NELL1: variants seen among roughly 807,000 people sequenced by gnomAD.
The protein encoded by NELL1 is protein kinase C-binding protein NELL1.
NELL1 carries 76 observed loss-of-function variants against 107.4 expected under a neutral mutation model. That is an observed-to-expected ratio of 0.71 (90% CI 0.59 to 0.86). The LOEUF (loss-of-function observed/expected upper bound fraction) is 0.86. Among genes scored for constraint, NELL1 ranks in the 40% least tolerant of loss-of-function variants. The probability of loss-of-function intolerance (pLI) is 0.00; values close to 1 mark genes in which losing one functional copy is unlikely to be tolerated. For synonymous variants in NELL1, 353 were observed against 341.2 expected, an observed-to-expected ratio of 1.03 and a Z score of -0.38; for missense variants, 1,024 against 1,005.5, an observed-to-expected ratio of 1.02 and a Z score of -0.25.
chr11:21,562,794 A>G (rs1419587770), intron 17 of NELL1, among the ~76,000 whole-genome samples: 1 of 131,566 alleles, frequency 7.6e-6, no homozygotes, highest in Non-Finnish European at 1.7e-5. Context: ...AATTACACAA[A>G]CCAACAAAAG....
chr11:21,425,259 A>G lies in NELL1; in HGVS notation c.1645+54311A>G, dbSNP rs147827054. Among the ~76,000 whole-genome samples, 157 of 151,086 alleles carry G rather than the reference A, an allele frequency of 1.0e-3. 1 individual carries two copies. Among genetic ancestry groups the G allele is most frequent in the Middle Eastern group, 6.8e-3 (2 of 292 alleles). ...GAAAGAAAAGCCTATCCTAAAATTC[A>G]TATAGAATTTCAAGGTACTGTGAAT... is the stretch of plus-strand genomic sequence containing the variant. On this transcript the variant is annotated intron_variant, in intron 15 of 19. Transcript: ENST00000357134.
At chr11:21,331,165 G>T (rs553966425) in intron 14 of NELL1, among the ~76,000 whole-genome samples, 1 of 151,740 alleles carries the variant, frequency 6.6e-6, no homozygotes, top group African/African-American at 2.4e-5. Flanking sequence ...CATATTTATT[G>T]TAGTTGCTTT....
chr11:20,837,333 T>G (rs907908481), intron 3 of NELL1, among the ~76,000 whole-genome samples: 1 of 152,190 alleles, frequency 6.6e-6, no homozygotes, highest in Non-Finnish European at 1.5e-5. Flanking sequence ...GACATCAGTA[T>G]GAATTCATGT....
At chr11:21,574,636 T>G (rs1002777479) in intron 19 of NELL1, among the ~76,000 whole-genome samples, 5 of 151,820 alleles carry the variant, frequency 3.3e-5, no homozygotes, top group Non-Finnish European at 5.9e-5. Flanking sequence ...GATTTATTTT[T>G]GGAAAGAATC....
chr11:21,026,395 TCCCTCA>T (rs944134368), intron 12 of NELL1, among the ~76,000 whole-genome samples: 23 of 152,278 alleles, frequency 1.5e-4, no homozygotes, highest in Admixed American at 3.9e-4. Context: ...CATGGCTCAT[TCCCTCA>T]CCTCTTCAGT....
intron 9 of NELL1, among the ~76,000 whole-genome samples, chr11:20,930,371 C>G (rs1850593038): frequency 6.6e-6 from 1 of 152,052 alleles, no homozygotes; most frequent in African/African-American, 2.4e-5. Context: ...GCCATTGTCA[C>G]TTAAATATAT....
intron 12 of NELL1, among the ~76,000 whole-genome samples, chr11:21,029,814 C>G (rs916635052): frequency 1.3e-5 from 2 of 152,164 alleles, no homozygotes; most frequent in African/African-American, 4.8e-5. Flanking sequence ...AGCTTTCAAT[C>G]CTCTCCAATC....
Position 20,937,839 on chromosome 11 carries a change from A to C in NELL1, c.1051A>C (p.Lys351Gln). The C allele has an allele frequency of 6.2e-7, 1 of 1,614,090 alleles. No individual in the cohort carries two copies. Among genetic ancestry groups the C allele is most frequent in the Non-Finnish European group, 8.5e-7 (1 of 1,179,932 alleles). ...TGCAGAAGGCCAGCGGATTTTAACC[A>C]AGAGCTGTCGGGAATGCCGAGTAAG... Reference protein sequence around the residue: ...VLAEGQRILTKSCRECRGGVL... With the variant: ...VLAEGQRILTQSCRECRGGVL... The change falls in exon 10 of 20, where the codon AAG (lysine) becomes CAG (glutamine). Residue 351 changes from lysine (K) to glutamine (Q), a missense_variant. Physicochemically the swap from Lys to Gln is moderately conservative, Grantham distance 53. Transcript: ENST00000357134.
At chr11:20,975,845 TATATATAC>T (rs963931367) in intron 12 of NELL1, among the ~76,000 whole-genome samples, 2 of 133,584 alleles carry the variant, frequency 1.5e-5, no homozygotes, top group African/African-American at 5.4e-5. Flanking sequence ...ATATGTGTAT[TATATATAC>T]ATATATGTGT....
chr11:20,953,541 G>T (rs574321746), intron 11 of NELL1, among the ~76,000 whole-genome samples: 1 of 152,250 alleles, frequency 6.6e-6, no homozygotes, highest in East Asian at 1.9e-4. Context: ...TTAGGCTAAT[G>T]AATTTAATGA....
intron 4 of NELL1, among the ~76,000 whole-genome samples, chr11:20,856,373 TAAC>T (rs1321788061): frequency 2.6e-5 from 4 of 152,226 alleles, no homozygotes; most frequent in African/African-American, 4.8e-5. Flanking sequence ...ATGGTGTCTC[TAAC>T]TCTCCCTCAG....
chr11:20,871,714 C>T (rs189979931), intron 4 of NELL1, among the ~76,000 whole-genome samples: 20 of 152,084 alleles, frequency 1.3e-4, no homozygotes, highest in South Asian at 4.2e-4. Flanking sequence ...TACTTTGCCT[C>T]GGAGATGCTT....
intron 2 of NELL1, among the ~76,000 whole-genome samples, chr11:20,743,060 C>T (rs1855926829): frequency 1.3e-5 from 2 of 152,082 alleles, no homozygotes. Context: ...ACTATTAAAT[C>T]CAGTGACTCT....
intron 13 of NELL1, among the ~76,000 whole-genome samples, chr11:21,165,378 C>A (rs550155132): frequency 6.6e-6 from 1 of 152,270 alleles, no homozygotes; most frequent in East Asian, 1.9e-4. Context: ...CTTCAACTCC[C>A]CCTTAGGATC....
chr11:21,228,377 C>A (rs1424333589), intron 13 of NELL1, among the ~76,000 whole-genome samples: 2 of 152,080 alleles, frequency 1.3e-5, no homozygotes, highest in Non-Finnish European at 2.9e-5. Flanking sequence ...TATATATAAC[C>A]CATATCACTA....
At chr11:20,913,365 T>G (rs535655567) in intron 5 of NELL1, among the ~76,000 whole-genome samples, 36 of 152,124 alleles carry the variant, frequency 2.4e-4, no homozygotes, top group Non-Finnish European at 5.0e-4. Flanking sequence ...AATTAGCATT[T>G]GTTTGGTGGT....
At chr11:20,891,505 C>T (rs752983579) in intron 5 of NELL1, among the ~76,000 whole-genome samples, 6 of 152,140 alleles carry the variant, frequency 3.9e-5, no homozygotes, top group African/African-American at 1.2e-4. Flanking sequence ...CAAATTCACA[C>T]ATAACAATAC....
At chr11:21,501,459 A>T (rs1026364888) in intron 15 of NELL1, among the ~76,000 whole-genome samples, 1 of 152,104 alleles carries the variant, frequency 6.6e-6, no homozygotes, top group African/African-American at 2.4e-5. Flanking sequence ...CTTGGTATTG[A>T]TGGGGAGAAC....
intron 15 of NELL1, among the ~76,000 whole-genome samples, chr11:21,512,198 A>G (rs888328357): frequency 6.6e-6 from 1 of 152,122 alleles, no homozygotes; most frequent in African/African-American, 2.4e-5. Context: ...TATTGAGCAC[A>G]TGGGGCCCAT....
Sources: gnomAD v4.1 joint callset for allele counts (sites outside exome capture counted in the v4.1 genomes callset) on GRCh38, gnomAD v4.1.1 for gene constraint, MANE v1.5 for transcripts, NCBI Gene and HGNC (gene_info 2026-07-23, HGNC 2026-07-21) for gene names.